The following TRMT9B variants were observed in gnomAD, a reference collection of about 807,000 sequenced individuals.
The protein encoded by TRMT9B is tRNA methyltransferase 9B (putative).
Under a neutral mutation model 11.5 loss-of-function variants are expected in TRMT9B, and 16 were observed. The ratio of observed to expected loss-of-function variants is 1.39; its 90% confidence interval spans 0.94 to 2.11. The LOEUF (loss-of-function observed/expected upper bound fraction) is 2.11, where lower values mean the gene tolerates loss of function less well. Ranked by LOEUF, TRMT9B falls within the 30% of genes most tolerant of loss-of-function variation. TRMT9B has a pLI of 0.00. For missense variants in TRMT9B, 941 were observed against 553.8 expected, an observed-to-expected ratio of 1.70 and a Z score of -7.02; for synonymous variants, 274 against 192.4, an observed-to-expected ratio of 1.42 and a Z score of -3.51.
At chr8:12,992,083 C>G (rs958251504) in intron 2 of TRMT9B, among the ~76,000 whole-genome samples, 9 of 152,152 alleles carry the variant, frequency 5.9e-5, no homozygotes, top group African/African-American at 2.2e-4. Context: ...CCAGCTTGTA[C>G]AGAGTAAAGT....
intron 1 of TRMT9B, among the ~76,000 whole-genome samples, chr8:12,969,731 G>A (rs747100603): frequency 2.0e-5 from 3 of 151,706 alleles, no homozygotes; most frequent in Non-Finnish European, 2.9e-5. Flanking sequence ...GAGTGCACTG[G>A]TACAATCACG....
At chr8:12,961,934 C>T (rs918783496) in intron 1 of TRMT9B, 3 of 152,274 alleles carry the variant, frequency 2.0e-5, no homozygotes. Context: ...TCTCAGCAGA[C>T]CACTTCCTTG....
At chr8:12,994,685 CT>C (rs199693070) in intron 2 of TRMT9B, among the ~76,000 whole-genome samples, 9 of 151,728 alleles carry the variant, frequency 5.9e-5, no homozygotes, top group East Asian at 5.8e-4. Context: ...CGAACATTTT[CT>C]TTTTTTTTAT....
At chr8:13,017,614 C>CTTTTTTT (rs34715221) in intron 4 of TRMT9B, among the ~76,000 whole-genome samples, 1 of 117,540 alleles carries the variant, frequency 8.5e-6, no homozygotes, top group Non-Finnish European at 1.7e-5. Flanking sequence ...CATTTGTAGG[C>CTTTTTTT]TTTTTTTTTT....
rs1322767302 is a variant in TRMT9B, at chr8:13,027,414, C to A, written c.*5370C>A. 1 of 167,040 alleles carries A rather than the reference C, an allele frequency of 6.0e-6. No homozygotes were observed. Among genetic ancestry groups the A allele is most frequent in the Admixed American group, 6.6e-5 (1 of 15,262 alleles). 10.3% of individuals were successfully genotyped at this position (167,040 alleles called of 1,614,324 possible). On this transcript the variant is annotated 3_prime_UTR_variant, in exon 5 of 5. Coordinates refer to ENST00000524591, the MANE Select transcript of TRMT9B (RefSeq NM_020844.3). ...AAGCTTGGACTTAATCTAGCTTACC[C>A]TAGACGTATTAACATCCTATAGCGC...
intron 1 of TRMT9B, among the ~76,000 whole-genome samples, chr8:12,982,200 T>C (rs1473266559): frequency 2.0e-5 from 3 of 151,980 alleles, no homozygotes; most frequent in African/African-American, 7.3e-5. Context: ...TCTGCAAGAG[T>C]GGGAAATCCT....
intron 1 of TRMT9B, among the ~76,000 whole-genome samples, chr8:12,985,060 C>T (rs1020821769): frequency 1.3e-5 from 2 of 151,918 alleles, no homozygotes; most frequent in African/African-American, 4.8e-5. Flanking sequence ...GGCTAATATC[C>T]TACTCTTAGT....
In TRMT9B at chr8:13,025,987, A is replaced by G. The variant is rs558724797; in HGVS notation, c.*3943A>G. On this transcript the variant is annotated 3_prime_UTR_variant, in exon 5 of 5. Coordinates refer to ENST00000524591, the MANE Select transcript of TRMT9B (RefSeq NM_020844.3). Reference sequence around the variant, plus strand: ...CCCTGATTATTAATGGCCAAAAAAAAAGCACTGGTGGATTTTAAATTAAAT... The same window carrying G: ...CCCTGATTATTAATGGCCAAAAAAAGAGCACTGGTGGATTTTAAATTAAAT... 1 of 167,200 alleles carries G rather than the reference A, an allele frequency of 6.0e-6. No individual in the cohort carries two copies. Among genetic ancestry groups the G allele is most frequent in the South Asian group, 2.1e-4 (1 of 4,820 alleles). 10.4% of individuals were successfully genotyped at this position (167,200 alleles called of 1,614,324 possible). A position where few individuals can be genotyped will look rare whatever the true frequency, so the allele number is the denominator to read the frequency against.
intron 3 of TRMT9B, among the ~76,000 whole-genome samples, chr8:13,009,302 C>T (rs1014888051): frequency 1.3e-5 from 2 of 151,604 alleles, no homozygotes; most frequent in Admixed American, 6.6e-5. Flanking sequence ...GGTTAAAAGG[C>T]TCAGAGTATC....
At chr8:12,999,114 C>T (rs931288379) in intron 2 of TRMT9B, among the ~76,000 whole-genome samples, 15 of 151,990 alleles carry the variant, frequency 9.9e-5, no homozygotes, top group Admixed American at 2.6e-4. Context: ...GCCTAACCAA[C>T]AGGGTGAAAC....
intron 1 of TRMT9B, among the ~76,000 whole-genome samples, chr8:12,954,256 T>C (rs1801012372): frequency 6.6e-6 from 1 of 152,250 alleles, no homozygotes; most frequent in Non-Finnish European, 1.5e-5. Flanking sequence ...GACCTTATAG[T>C]ATTTCTGATA....
intron 1 of TRMT9B, among the ~76,000 whole-genome samples, chr8:12,988,191 T>C (rs1293934092): frequency 6.6e-6 from 1 of 152,120 alleles, no homozygotes; most frequent in Non-Finnish European, 1.5e-5. Flanking sequence ...TCCGTTTAGG[T>C]GTCAGCCCCT....
intron 2 of TRMT9B, among the ~76,000 whole-genome samples, chr8:13,002,940 C>A (rs1352155252): frequency 6.6e-6 from 1 of 152,092 alleles, no homozygotes; most frequent in Non-Finnish European, 1.5e-5. Flanking sequence ...CTCCCTTCCC[C>A]AGCTCCTCAG....
rs546551980 is a variant in TRMT9B at position 12,974,378 on chromosome 8, C to T, written c.-199-16456C>T. Among the ~76,000 whole-genome samples, 14 of 152,190 alleles carry T rather than the reference C, an allele frequency of 9.2e-5. No homozygotes were observed. The South Asian group carries it at 2.7e-3, about 29-fold the overall frequency. On this transcript the variant is annotated intron_variant, in intron 1 of 4. Transcript: ENST00000524591. Reference sequence around the variant, plus strand: ...TTTCAAATGGTGATGAAACGTGGAGCCTGGATTTTACACTGGACGGGGAAT... The same window carrying T: ...TTTCAAATGGTGATGAAACGTGGAGTCTGGATTTTACACTGGACGGGGAAT...
chr8:13,015,103 T>TAAAAC (rs1267343940), intron 4 of TRMT9B, among the ~76,000 whole-genome samples: 8 of 148,502 alleles, frequency 5.4e-5, no homozygotes, highest in African/African-American at 2.0e-4. Context: ...ATAAATAAAA[T>TAAAAC]AAAAAGTCAA....
chr8:13,010,525 A>T (rs376421653), intron 3 of TRMT9B: 15 of 984,140 alleles, frequency 1.5e-5, no homozygotes, highest in Non-Finnish European at 1.6e-5. Flanking sequence ...TATTGTTCAC[A>T]TTCAAGATTT....
intron 1 of TRMT9B, among the ~76,000 whole-genome samples, chr8:12,956,041 C>G (rs1801258612): frequency 6.6e-6 from 1 of 152,304 alleles, no homozygotes; most frequent in Middle Eastern, 3.4e-3. Flanking sequence ...ACAACAAAAA[C>G]AAGAAAGCAA....
chr8:12,970,890 T>C (rs1563333005), intron 1 of TRMT9B, among the ~76,000 whole-genome samples: 1 of 152,184 alleles, frequency 6.6e-6, no homozygotes, highest in Non-Finnish European at 1.5e-5. Flanking sequence ...GAAAGTTCTG[T>C]TGTGATTTGG....
chr8:12,946,046 CTA>C (rs1446130659), intron 1 of TRMT9B, 80 bp downstream of exon 1: 1 of 152,166 alleles, frequency 6.6e-6, no homozygotes, highest in Non-Finnish European at 1.5e-5. Flanking sequence ...TCCCACGAGA[CTA>C]TAAGTGCCAT....
Sources: gnomAD v4.1 joint callset for allele counts (sites outside exome capture counted in the v4.1 genomes callset) on GRCh38, gnomAD v4.1.1 for gene constraint, MANE v1.5 for transcripts, NCBI Gene and HGNC (gene_info 2026-07-23, HGNC 2026-07-21) for gene names.